Variants in SLC66A2 observed in about 807,000 individuals in gnomAD.
SLC66A2 encodes the protein PQ loop repeat containing 1.
In SLC66A2, 23 loss-of-function variants were observed where a neutral mutation model predicts 25.5. That is an observed-to-expected ratio of 0.90 (90% confidence interval 0.65 to 1.28). The LOEUF is 1.28. SLC66A2 is among the 50% of genes most tolerant of loss of function. The probability of loss-of-function intolerance (pLI) is 0.00; values close to 1 mark genes in which losing one functional copy is unlikely to be tolerated. For synonymous variants in SLC66A2, 193 were observed against 166.5 expected (o/e 1.16, Z -1.23); for missense variants, 396 against 373.1 (o/e 1.06, Z -0.51).
chr18:79,935,714 GGCCTTGGTGGGT>G (rs1987015189), intron 3 of SLC66A2, among the ~76,000 whole-genome samples: 1 of 152,184 alleles, frequency 6.6e-6, no homozygotes, highest in South Asian at 2.1e-4. Context: ...CTCATGAGGA[GGCCTTGGTGGGT>G]GTCCCAGCAG....
intron 5 of SLC66A2, among the ~76,000 whole-genome samples, chr18:79,911,256 A>C (rs1345162707): frequency 6.6e-6 from 1 of 152,244 alleles, no homozygotes; most frequent in Non-Finnish European, 1.5e-5. Flanking sequence ...GGGCCTGGAC[A>C]TCTTTCCGTC....
In SLC66A2 at chr18:79,927,311, C is replaced by T. The variant is rs961617758; in HGVS notation, c.391+6658G>A. 6.6e-5 allele frequency among the ~76,000 whole-genome samples: 10 copies of T among 151,334 alleles called. No individual in the cohort carries two copies. The highest frequency in any genetic ancestry group is 1.2e-4 in the Non-Finnish European group (8 of 68,028). On this transcript the variant is annotated intron_variant, in intron 4 of 5. Coordinates refer to ENST00000397778, the MANE Select transcript of SLC66A2 (RefSeq NM_025078.5). The surrounding 1 kb of genome is among the most constrained non-coding windows in gnomAD (Gnocchi z 6.2). ...GGACCTGAGGGGCACAGGCTACAGT[C>T]GGGAGAGCCCCGGGCAGGCACACAG...
chr18:79,911,632 C>T (rs1489846388), intron 5 of SLC66A2, among the ~76,000 whole-genome samples: 1 of 152,202 alleles, frequency 6.6e-6, no homozygotes, highest in Non-Finnish European at 1.5e-5. Flanking sequence ...TTCCAGCTGC[C>T]GGGACGCTCT....
At chr18:79,930,301 T>C (rs1986434894) in intron 4 of SLC66A2, 1 of 151,994 alleles carries the variant, frequency 6.6e-6, no homozygotes, top group Non-Finnish European at 1.5e-5. Flanking sequence ...TGGAATAACA[T>C]ATTCAAAGCA....
In SLC66A2 at chr18:79,927,484, T is replaced by C. The variant is rs1031867195; in HGVS notation, c.391+6485A>G. Among the ~76,000 whole-genome samples, 3 of 152,220 alleles carry C rather than the reference T, an allele frequency of 2.0e-5. No homozygotes were observed. The highest frequency in any genetic ancestry group is 7.2e-5 in the African/African-American group (3 of 41,460). ...TAACAAAGACGGCCACACCACCTGC[T>C]GCAGAATGAGTATAAATGCCCTTCT... is the stretch of plus-strand genomic sequence containing the variant. On this transcript the variant is annotated intron_variant, in intron 4 of 5. Transcript: ENST00000397778. This position sits in a 1 kb window ranked among gnomAD's most constrained non-coding sequence, Gnocchi z 6.2.
chr18:79,904,485 C>G lies in SLC66A2; in HGVS notation c.609-302G>C, dbSNP rs1242705219. ...CTTGACTTCTCTGTGGCCGCAAGAG[C>G]TGCCGCCTGGCTGGGGCTCTGCAAG... is the stretch of plus-strand genomic sequence containing the variant. On this transcript the variant is annotated intron_variant, in intron 5 of 5. Coordinates refer to ENST00000397778, the MANE Select transcript of SLC66A2 (RefSeq NM_025078.5). This position sits in a 1 kb window ranked among gnomAD's most constrained non-coding sequence, Gnocchi z 6.3. 1.3e-5 allele frequency among the ~76,000 whole-genome samples: 2 copies of G among 152,136 alleles called. No homozygotes were observed. Among genetic ancestry groups the G allele is most frequent in the Non-Finnish European group, 2.9e-5 (2 of 68,006 alleles).
Position 79,903,761 on chromosome 18 carries a change from A to G in SLC66A2, c.*215T>C. On this transcript the variant is annotated 3_prime_UTR_variant, in exon 6 of 6. Coordinates refer to ENST00000397778, the MANE Select transcript of SLC66A2 (RefSeq NM_025078.5). ...AAACATCCAAAACCCTCGGGGCCAGATCAACCCTGGCTGTCCCCGCTGAGC... is the reference window on the plus strand; with the variant it reads ...AAACATCCAAAACCCTCGGGGCCAGGTCAACCCTGGCTGTCCCCGCTGAGC... 1.8e-6 allele frequency: 1 copy of G among 540,578 alleles called. No individual in the cohort carries two copies. Among genetic ancestry groups the G allele is most frequent in the South Asian group, 2.6e-5 (1 of 37,990 alleles). The allele number at this position is 540,578 out of a possible 1,614,324, so 33.5% of individuals were successfully genotyped here. A position where few individuals can be genotyped will look rare whatever the true frequency, so the allele number is the denominator to read the frequency against.
At chr18:79,950,103 A>C (rs750280194) in intron 2 of SLC66A2, among the ~76,000 whole-genome samples, 1 of 152,138 alleles carries the variant, frequency 6.6e-6, no homozygotes, top group African/African-American at 2.4e-5. Context: ...GCCCTTTCAG[A>C]GGCCCAGTGG....
chr18:79,931,760 C>G (rs952074584), intron 4 of SLC66A2, among the ~76,000 whole-genome samples: 9 of 152,266 alleles, frequency 5.9e-5, no homozygotes, highest in African/African-American at 2.2e-4. Flanking sequence ...TGCCTATAAT[C>G]CTAGCTCTTT....
intron 5 of SLC66A2, among the ~76,000 whole-genome samples, chr18:79,913,920 G>A (rs1983603125): frequency 6.6e-6 from 1 of 152,144 alleles, no homozygotes; most frequent in Non-Finnish European, 1.5e-5. Context: ...AGTCTTGTTT[G>A]TTTTTTTACA....
At chr18:79,947,730 G>A (rs968034550) in intron 2 of SLC66A2, among the ~76,000 whole-genome samples, 10 of 149,812 alleles carry the variant, frequency 6.7e-5, no homozygotes, top group East Asian at 2.0e-4. Context: ...GATGCATCCC[G>A]CGTGTCACTT....
chr18:79,906,678 C>T (rs956236308), intron 5 of SLC66A2, among the ~76,000 whole-genome samples: 12 of 152,212 alleles, frequency 7.9e-5, no homozygotes, highest in African/African-American at 1.9e-4. Context: ...GAAAAGAATG[C>T]GCACGTTCAC....
At chr18:79,949,591 G>A (rs1436381539) in intron 2 of SLC66A2, 1 of 152,236 alleles carries the variant, frequency 6.6e-6, no homozygotes, top group Non-Finnish European at 1.5e-5. Context: ...TTGAACCCAG[G>A]AGTCAGAGGC....
chr18:79,950,081 C>A (rs1266781812), intron 2 of SLC66A2, among the ~76,000 whole-genome samples: 1 of 152,192 alleles, frequency 6.6e-6, no homozygotes, highest in Non-Finnish European at 1.5e-5. Flanking sequence ...CGTGGCTCAG[C>A]TTGTAATCCC....
intron 5 of SLC66A2, among the ~76,000 whole-genome samples, chr18:79,909,888 CCA>C (rs1982760873): frequency 7.0e-6 from 1 of 142,766 alleles, no homozygotes; most frequent in African/African-American, 2.7e-5. Context: ...CCAACCTTCC[CCA>C]CACCCTCACC....
At chr18:79,921,880 C>T (rs12969268) in intron 4 of SLC66A2, among the ~76,000 whole-genome samples, 155 of 5,496 alleles carry the variant, frequency 0.028, 56 homozygotes, top group Middle Eastern at 1. Flanking sequence ...TGAGGAGAGA[C>T]GGGAACCGAG....
At chr18:79,906,790 ATTTG>A (rs1393324954) in intron 5 of SLC66A2, among the ~76,000 whole-genome samples, 3 of 152,032 alleles carry the variant, frequency 2.0e-5, no homozygotes, top group Non-Finnish European at 2.9e-5. Context: ...GCAACTGGGG[ATTTG>A]TCTTTGCATT....
intron 5 of SLC66A2, among the ~76,000 whole-genome samples, chr18:79,909,193 A>C (rs1982566263): frequency 6.6e-6 from 1 of 152,194 alleles, no homozygotes; most frequent in African/African-American, 2.4e-5. Context: ...CTGCAGTTCA[A>C]TTTAATTCCA....
At chr18:79,916,098 A>C (rs1276154876) in intron 5 of SLC66A2, 2 of 169,366 alleles carry the variant, frequency 1.2e-5, no homozygotes, top group African/African-American at 3.2e-5. Flanking sequence ...CGGTGCTCTC[A>C]TACCCGCAGT....
Sources: allele counts gnomAD v4.1 joint callset (sites outside exome capture counted in the v4.1 genomes callset), GRCh38; gene constraint gnomAD v4.1.1; non-coding constraint Gnocchi (gnomAD v3.1); transcripts MANE v1.5; gene names NCBI Gene and HGNC (gene_info 2026-07-23, HGNC 2026-07-21).